The following SGCD variants were observed in gnomAD, a reference collection of about 807,000 sequenced individuals.
SGCD encodes the protein sarcoglycan delta.
A neutral mutation model predicts 36.6 loss-of-function variants in SGCD; 18 were observed. The observed-to-expected ratio is 0.49, with a 90% CI of 0.34 to 0.73. The LOEUF is 0.73. Among genes scored for constraint, SGCD ranks in the 30% least tolerant of loss-of-function variants. The probability of loss-of-function intolerance (pLI) is 0.01; values close to 1 mark genes in which losing one functional copy is unlikely to be tolerated. For synonymous variants in SGCD, 133 were observed against 130.6 expected (o/e 1.02, Z -0.12); for missense variants, 387 against 346.7 (o/e 1.12, Z -0.92).
chr5:156,471,868 T>C (rs1754980277), intron 3 of SGCD, among the ~76,000 whole-genome samples: 1 of 150,840 alleles, frequency 6.6e-6, no homozygotes, highest in Non-Finnish European at 1.5e-5. Flanking sequence ...AGAAAAAATA[T>C]ACATACACAA....
chr5:156,537,459 C>CCACACACACACACACACACACA (rs769070218), intron 4 of SGCD, among the ~76,000 whole-genome samples: 6 of 125,808 alleles, frequency 4.8e-5, no homozygotes, highest in Non-Finnish European at 8.3e-5. Context: ...AAGGTAGCAG[C>CCACACACACACACACACACACA]CACACACACA....
chr5:156,415,416 C>G (rs1772978774), intron 3 of SGCD, among the ~76,000 whole-genome samples: 1 of 152,070 alleles, frequency 6.6e-6, no homozygotes, highest in South Asian at 2.1e-4. Flanking sequence ...TTTATTTTGC[C>G]TGATGGCAAT....
At chr5:156,694,462 A>AT (rs112331208) in intron 7 of SGCD, among the ~76,000 whole-genome samples, 1 of 152,236 alleles carries the variant, frequency 6.6e-6, no homozygotes, top group Non-Finnish European at 1.5e-5. Context: ...ACAATTTTTA[A>AT]TTTTTTTTTC....
chr5:155,781,915 A>G, the SGCD span, among the ~76,000 whole-genome samples: 3 of 152,012 alleles, frequency 2.0e-5, no homozygotes, highest in African/African-American at 7.2e-5. Flanking sequence ...GAGATTCCTT[A>G]TGGTTTGTCT....
intron 1 of SGCD, among the ~76,000 whole-genome samples, chr5:155,942,330 GTATGTATC>G (rs1757343986): frequency 7.4e-6 from 1 of 135,518 alleles, no homozygotes; most frequent in East Asian, 2.2e-4. Context: ...ATGTATGTAT[GTATGTATC>G]TATCTATCTA....
chr5:156,686,256 T>C lies in SGCD; in HGVS notation c.575+38720T>C, dbSNP rs553840642. 2.0e-5 allele frequency among the ~76,000 whole-genome samples: 3 copies of C among 152,288 alleles called. No individual in the cohort carries two copies. In the East Asian group the frequency reaches 5.8e-4, roughly 29 times the overall value. ...CAAGGTCATATTGCATGTAAATGGC[T>C]CAGCTGCCATTCGAATTCAGGTTTG... On this transcript the variant is annotated intron_variant, in intron 7 of 8. Coordinates refer to ENST00000337851, the MANE Select transcript of SGCD (RefSeq NM_000337.6).
chr5:155,850,055 T>G, the SGCD span, among the ~76,000 whole-genome samples: 1 of 152,228 alleles, frequency 6.6e-6, no homozygotes, highest in Non-Finnish European at 1.5e-5. Context: ...TTTAATTGGT[T>G]GGTTCCTGGC....
At chr5:155,926,580 C>T (rs1020186775) in intron 1 of SGCD, among the ~76,000 whole-genome samples, 2 of 152,072 alleles carry the variant, frequency 1.3e-5, no homozygotes, top group African/African-American at 4.8e-5. Context: ...CCAATAATTC[C>T]TTTTGCTAAT....
At chr5:156,384,614 CTTGAGTT>C (rs2127750240) in intron 3 of SGCD, among the ~76,000 whole-genome samples, 1 of 152,112 alleles carries the variant, frequency 6.6e-6, no homozygotes, top group East Asian at 1.9e-4. Context: ...AGAATTAACT[CTTGAGTT>C]TTATCTACAG....
At chr5:156,701,251 T>C (rs1400981478) in intron 7 of SGCD, among the ~76,000 whole-genome samples, 1 of 152,214 alleles carries the variant, frequency 6.6e-6, no homozygotes, top group Non-Finnish European at 1.5e-5. Context: ...TCTCAGTAAA[T>C]GGCAATTATG....
chr5:156,728,876 A>T (rs1755917918), intron 7 of SGCD, among the ~76,000 whole-genome samples: 1 of 152,108 alleles, frequency 6.6e-6, no homozygotes, highest in Non-Finnish European at 1.5e-5. Context: ...AACCCAGAGA[A>T]CTATATTGCA....
At chr5:156,580,085 A>T (rs1354049804) in intron 4 of SGCD, among the ~76,000 whole-genome samples, 1 of 152,154 alleles carries the variant, frequency 6.6e-6, no homozygotes, top group African/African-American at 2.4e-5. Flanking sequence ...TGCTTCCTTC[A>T]GGAGCTCTTG....
intron 7 of SGCD, among the ~76,000 whole-genome samples, chr5:156,652,745 G>C (rs1417183423): frequency 6.6e-6 from 1 of 151,890 alleles, no homozygotes; most frequent in Non-Finnish European, 1.5e-5. Context: ...CTTATATTTG[G>C]GGGGTATGTT....
intron 3 of SGCD, among the ~76,000 whole-genome samples, chr5:156,281,656 C>T (rs1766456136): frequency 6.6e-6 from 1 of 151,558 alleles, no homozygotes; most frequent in African/African-American, 2.4e-5. Context: ...AAAGGTTTGA[C>T]AAAAAAATAG....
chr5:156,357,772 T>C (rs1769565724), intron 3 of SGCD, among the ~76,000 whole-genome samples: 1 of 152,204 alleles, frequency 6.6e-6, no homozygotes, highest in Non-Finnish European at 1.5e-5. Flanking sequence ...ACTGAATGCT[T>C]GTGTAGATAA....
intron 7 of SGCD, among the ~76,000 whole-genome samples, chr5:156,737,938 C>T (rs1267537125): frequency 6.6e-6 from 1 of 152,154 alleles, no homozygotes; most frequent in Non-Finnish European, 1.5e-5. Flanking sequence ...TTCTATGATG[C>T]ACTGCCCCAT....
At chr5:156,586,744 G>A (rs1186907106) in intron 4 of SGCD, among the ~76,000 whole-genome samples, 2 of 152,156 alleles carry the variant, frequency 1.3e-5, no homozygotes, top group Non-Finnish European at 2.9e-5. Flanking sequence ...ATGATTGTAA[G>A]ATTTTGGTTT....
intron 1 of SGCD, among the ~76,000 whole-genome samples, chr5:156,056,699 T>C (rs980304204): frequency 7.5e-6 from 1 of 133,776 alleles, no homozygotes; most frequent in African/African-American, 2.7e-5. Flanking sequence ...CTGATTTAAG[T>C]AATAAAACTC....
the SGCD span, among the ~76,000 whole-genome samples, chr5:155,800,963 T>G: frequency 6.6e-6 from 1 of 152,330 alleles, no homozygotes; most frequent in Non-Finnish European, 1.5e-5. Flanking sequence ...TTACTGATTT[T>G]CTTGGTTCAA....
Sources: gnomAD v4.1 joint callset for allele counts (sites outside exome capture counted in the v4.1 genomes callset) on GRCh38, gnomAD v4.1.1 for gene constraint, MANE v1.5 for transcripts, NCBI Gene and HGNC (gene_info 2026-07-23, HGNC 2026-07-21) for gene names.